The following RGS7 variants were observed in gnomAD, a reference collection of about 807,000 sequenced individuals.
RGS7 encodes regulator of G protein signaling 7.
RGS7 carries 27 observed loss-of-function variants against 81.1 expected under a neutral mutation model. That is an observed-to-expected ratio of 0.33 (90% CI 0.25 to 0.46). The LOEUF is 0.46. Among genes scored for constraint, RGS7 ranks in the 20% least tolerant of loss-of-function variants. The pLI is 1.00. For synonymous variants in RGS7, 208 were observed against 207.7 expected, an observed-to-expected ratio of 1.00 and a Z score of -0.01; for missense variants, 396 against 607.4, an observed-to-expected ratio of 0.65 and a Z score of 3.66.
chr1:241,294,813 T>G (rs1216674634), intron 2 of RGS7, among the ~76,000 whole-genome samples: 1 of 152,214 alleles, frequency 6.6e-6, no homozygotes, highest in Non-Finnish European at 1.5e-5. Flanking sequence ...GCTTCCAGGT[T>G]TGTAGCCTAG....
rs1682880797 is a variant in RGS7 at position 240,776,075 on chromosome 1, T to C, written c.*145A>G. On this transcript the variant is annotated 3_prime_UTR_variant, in exon 19 of 19. Transcript: ENST00000440928. ...GTCCTTTGCTCATGCAACATCTTGT[T>C]CTAATGTCCTCTGCTCCAGGTCACA... 16 of 996,482 alleles carry C rather than the reference T, an allele frequency of 1.6e-5. No homozygotes were observed. Among genetic ancestry groups the C allele is most frequent in the South Asian group, 2.5e-5 (2 of 78,456 alleles). 61.7% of individuals were successfully genotyped at this position (996,482 alleles called of 1,614,324 possible).
intron 2 of RGS7, among the ~76,000 whole-genome samples, chr1:241,304,618 G>C (rs185416371): frequency 8.7e-4 from 132 of 152,250 alleles, no homozygotes; most frequent in African/African-American, 3.1e-3. Context: ...GTTGTGAAGA[G>C]AACTGATCAT....
chr1:241,027,651 G>A (rs955040257), intron 3 of RGS7, among the ~76,000 whole-genome samples: 1 of 152,126 alleles, frequency 6.6e-6, no homozygotes, highest in Non-Finnish European at 1.5e-5. Flanking sequence ...TTGATGATGG[G>A]TGAAGCGAGG....
chr1:240,899,888 C>G (rs1037865127), intron 6 of RGS7, among the ~76,000 whole-genome samples: 5 of 152,180 alleles, frequency 3.3e-5, no homozygotes, highest in African/African-American at 1.2e-4. Context: ...TGTTTTCCAA[C>G]TTGGTTCCAT....
intron 3 of RGS7, among the ~76,000 whole-genome samples, chr1:241,016,532 A>C (rs2059243421): frequency 6.6e-6 from 1 of 150,680 alleles, no homozygotes. Flanking sequence ...AACACAAAAA[A>C]CAAAAATCAA....
intron 3 of RGS7, among the ~76,000 whole-genome samples, chr1:241,071,284 T>C (rs1215734658): frequency 6.6e-6 from 1 of 152,144 alleles, no homozygotes; most frequent in African/African-American, 2.4e-5. Context: ...TGAAAAGAAA[T>C]CCATTCACCT....
At chr1:240,854,911 A>G (rs1285479691) in intron 9 of RGS7, among the ~76,000 whole-genome samples, 5 of 152,166 alleles carry the variant, frequency 3.3e-5, no homozygotes, top group Admixed American at 6.5e-5. Context: ...GGGATACCAT[A>G]CACTCTGTGT....
At chr1:240,940,722 A>G (rs2148394385) in intron 4 of RGS7, among the ~76,000 whole-genome samples, 1 of 152,220 alleles carries the variant, frequency 6.6e-6, no homozygotes, top group African/African-American at 2.4e-5. Flanking sequence ...AAGGAACAAC[A>G]AAAAGCAATT....
At chr1:241,331,554 C>T (rs1293903364) in intron 2 of RGS7, among the ~76,000 whole-genome samples, 1 of 152,142 alleles carries the variant, frequency 6.6e-6, no homozygotes, top group African/African-American at 2.4e-5. Context: ...ATTATTATTA[C>T]TTATTCACTT....
intron 2 of RGS7, among the ~76,000 whole-genome samples, chr1:241,148,024 T>G (rs1231883393): frequency 6.8e-6 from 1 of 148,074 alleles, no homozygotes; most frequent in Non-Finnish European, 1.5e-5. Context: ...CTATATGGTG[T>G]TTTCAAATTT....
chr1:240,997,627 C>A (rs988313378), intron 3 of RGS7, among the ~76,000 whole-genome samples: 1 of 152,128 alleles, frequency 6.6e-6, no homozygotes, highest in Non-Finnish European at 1.5e-5. Context: ...GAGTTCGAGA[C>A]CAGCCTGACC....
chr1:240,913,955 A>G (rs1672177874), intron 6 of RGS7, among the ~76,000 whole-genome samples: 2 of 151,414 alleles, frequency 1.3e-5, no homozygotes, highest in South Asian at 4.2e-4. Flanking sequence ...GTACATGTGC[A>G]CATTGTGCAG....
At chr1:241,281,257 T>C (rs2078492333) in intron 2 of RGS7, among the ~76,000 whole-genome samples, 1 of 152,188 alleles carries the variant, frequency 6.6e-6, no homozygotes, top group African/African-American at 2.4e-5. Flanking sequence ...AGATGCAGTA[T>C]TAAATTATAA....
chr1:240,796,756 T>G (rs1687137087), intron 18 of RGS7, among the ~76,000 whole-genome samples: 1 of 152,158 alleles, frequency 6.6e-6, no homozygotes, highest in Admixed American at 6.6e-5. Context: ...AACCCACTCC[T>G]GTTAAATTTC....
intron 2 of RGS7, among the ~76,000 whole-genome samples, chr1:241,219,457 C>G (rs759504940): frequency 1.5e-4 from 23 of 152,134 alleles, no homozygotes; most frequent in Non-Finnish European, 3.1e-4. Context: ...AATTGCCCAG[C>G]CTCAGGTGTG....
chr1:241,142,402 G>A (rs532293737), intron 2 of RGS7, among the ~76,000 whole-genome samples: 50 of 152,308 alleles, frequency 3.3e-4, no homozygotes, highest in Non-Finnish European at 5.9e-4. Context: ...GCAGACTTCT[G>A]CCTGGACATC....
intron 9 of RGS7, among the ~76,000 whole-genome samples, chr1:240,838,367 T>C (rs1695043960): frequency 6.6e-6 from 1 of 152,186 alleles, no homozygotes; most frequent in Non-Finnish European, 1.5e-5. Flanking sequence ...CCTTGGAGGT[T>C]AGGAATTCAA....
chr1:241,053,626 G>A (rs1350708351), intron 3 of RGS7, among the ~76,000 whole-genome samples: 1 of 152,206 alleles, frequency 6.6e-6, no homozygotes, highest in Non-Finnish European at 1.5e-5. Flanking sequence ...ATCATCGTAA[G>A]ATTTTTGGTG....
intron 2 of RGS7, among the ~76,000 whole-genome samples, chr1:241,340,528 A>G (rs1459955326): frequency 1.3e-5 from 2 of 152,206 alleles, no homozygotes; most frequent in African/African-American, 2.4e-5. Flanking sequence ...GAAAACTCCA[A>G]AAACAGTTAT....
Sources: gnomAD v4.1 joint callset for allele counts (sites outside exome capture counted in the v4.1 genomes callset) on GRCh38, gnomAD v4.1.1 for gene constraint, MANE v1.5 for transcripts, NCBI Gene and HGNC (gene_info 2026-07-23, HGNC 2026-07-21) for gene names.